HPD: variants seen among roughly 807,000 people sequenced by gnomAD.
HPD encodes 4-hydroxyphenylpyruvic acid oxidase.
In HPD, 35 loss-of-function variants were observed where a neutral mutation model predicts 56.9. The observed-to-expected ratio is 0.62, with a 90% CI of 0.47 to 0.82. HPD has a LOEUF of 0.82. HPD is among the 40% of genes least tolerant of loss of function. The pLI is 0.00. For synonymous variants in HPD, 186 were observed against 200.2 expected (o/e 0.93, Z 0.60); for missense variants, 442 against 506.8 (o/e 0.87, Z 1.23).
the HPD span, among the ~76,000 whole-genome samples, chr12:121,878,300 G>A: frequency 6.6e-6 from 1 of 152,156 alleles, no homozygotes; most frequent in African/African-American, 2.4e-5. Flanking sequence ...GCTCTGAATT[G>A]TCACAAACAG....
rs771865657 is a variant in HPD at position 121,849,840 on chromosome 12, G to A, written c.415-50C>T. The A allele has an allele frequency of 2.4e-5, 29 of 1,224,622 alleles. 1 individual carries two copies. The South Asian group carries it at 2.8e-4, about 12-fold the overall frequency. The allele number at this position is 1,224,622 out of a possible 1,614,324, so 75.9% of individuals were successfully genotyped here. A position where few individuals can be genotyped will look rare whatever the true frequency, so the allele number is the denominator to read the frequency against. On this transcript the variant is annotated intron_variant, in intron 7 of 13. Transcript: ENST00000289004. ...CGGCCCCTGGGCACCCATCCCCGCC[G>A]AGGACAGAGCACATTTCATAGCGCT...
chr12:121,887,409 G>A, the HPD span, among the ~76,000 whole-genome samples: 1 of 151,604 alleles, frequency 6.6e-6, no homozygotes, highest in African/African-American at 2.4e-5. Context: ...TGAGGGGTGC[G>A]GTAGCTCACT....
the HPD span, among the ~76,000 whole-genome samples, chr12:121,878,885 G>A: frequency 2.6e-5 from 4 of 151,496 alleles, no homozygotes; most frequent in South Asian, 2.1e-4. Flanking sequence ...ATGTTGTCTC[G>A]GCTGGTCTCA....
chr12:121,880,223 G>T, the HPD span, among the ~76,000 whole-genome samples: 1 of 147,858 alleles, frequency 6.8e-6, no homozygotes, highest in South Asian at 2.1e-4. Flanking sequence ...TTTTTTTTCA[G>T]ATGGTGTCTT....
At chr12:121,870,975 A>T in the HPD span, among the ~76,000 whole-genome samples, 1 of 152,056 alleles carries the variant, frequency 6.6e-6, no homozygotes. Flanking sequence ...CAGGGAAGAG[A>T]GCTGGGCTGG....
chr12:121,846,377 C>T (rs1877582959), intron 11 of HPD, among the ~76,000 whole-genome samples: 1 of 152,092 alleles, frequency 6.6e-6, no homozygotes, highest in African/African-American at 2.4e-5. Context: ...CAACCACGCC[C>T]AGATAATTTT....
chr12:121,857,270 G>A lies in HPD; in HGVS notation c.198+58C>T, dbSNP rs1878035354. 6 of 1,083,186 alleles carry A rather than the reference G, an allele frequency of 5.5e-6. No individual in the cohort carries two copies. In the South Asian group the frequency reaches 6.2e-5, roughly 11 times the overall value. 67.1% of individuals were successfully genotyped at this position (1,083,186 alleles called of 1,614,324 possible). On this transcript the variant is annotated intron_variant, in intron 4 of 13. Transcript: ENST00000289004. ...AATTTTTCTATTTTTAATAGAGATG[G>A]GGTTTCACCATGTTGGCCAGGCAGG...
At chr12:121,851,778 C>T (rs541989316) in intron 7 of HPD, among the ~76,000 whole-genome samples, 1 of 3,320 alleles carries the variant, frequency 3.0e-4, no homozygotes, top group South Asian at 8.5e-3. Flanking sequence ...GGCGCGATCT[C>T]GGCTCACTGC....
At chr12:121,886,038 A>G in the HPD span, among the ~76,000 whole-genome samples, 1 of 151,466 alleles carries the variant, frequency 6.6e-6, no homozygotes, top group Non-Finnish European at 1.5e-5. Flanking sequence ...CAGGTGATCC[A>G]GCCGCCTCGG....
chr12:121,846,598 G>T (rs1877591503), intron 11 of HPD, among the ~76,000 whole-genome samples: 1 of 152,180 alleles, frequency 6.6e-6, no homozygotes, highest in South Asian at 2.1e-4. Context: ...CAAGCCACTG[G>T]CAGAACCGGG....
chr12:121,873,034 C>A, the HPD span, among the ~76,000 whole-genome samples: 2 of 152,126 alleles, frequency 1.3e-5, no homozygotes, highest in Admixed American at 1.3e-4. Context: ...CATCTGTGAG[C>A]ATGTATTCAC....
chr12:121,845,042 C>T (rs1449042482), intron 11 of HPD, among the ~76,000 whole-genome samples: 1 of 149,080 alleles, frequency 6.7e-6, no homozygotes, highest in African/African-American at 2.6e-5. Flanking sequence ...CAAAATCGCA[C>T]CACTGCACTC....
chr12:121,881,632 CTTTGTTTT>C, the HPD span, among the ~76,000 whole-genome samples: 8 of 151,620 alleles, frequency 5.3e-5, no homozygotes, highest in African/African-American at 1.9e-4. Context: ...GCTCCCATGA[CTTTGTTTT>C]TTTGTTTGTT....
intron 2 of HPD, 96 bp from the exon 3 acceptor site, chr12:121,857,915 G>A (rs917402982): frequency 4.4e-6 from 4 of 909,992 alleles, no homozygotes; most frequent in Non-Finnish European, 7.2e-6. Context: ...CCTTATTCCA[G>A]CCTCAACCAC....
intron 9 of HPD, among the ~76,000 whole-genome samples, chr12:121,848,055 G>A (rs1207752737): frequency 6.6e-6 from 1 of 152,168 alleles, no homozygotes; most frequent in African/African-American, 2.4e-5. Context: ...ACAGATGGAA[G>A]TAAAGTGCTT....
intron 11 of HPD, 96 bp downstream of exon 11, chr12:121,846,766 G>T (rs564460302): frequency 4.6e-5 from 52 of 1,135,412 alleles, no homozygotes; most frequent in Non-Finnish European, 6.3e-5. Flanking sequence ...CCAGAGAAAC[G>T]GGCCCAGGAC....
the HPD span, among the ~76,000 whole-genome samples, chr12:121,876,502 G>A: frequency 1.3e-3 from 198 of 152,168 alleles, 5 homozygotes; most frequent in East Asian, 0.036. Flanking sequence ...ACATCAAAGG[G>A]CTTTTCCTTC....
chr12:121,862,212 G>T (rs1020435387), upstream of HPD, among the ~76,000 whole-genome samples: 2 of 152,136 alleles, frequency 1.3e-5, no homozygotes, highest in East Asian at 1.9e-4. Context: ...CTGCTGGACA[G>T]TGTGGGTCAC....
intron 3 of HPD, 34 bp from the exon 4 acceptor site, chr12:121,857,466 G>A (rs773262586): frequency 3.4e-6 from 5 of 1,488,888 alleles, no homozygotes; most frequent in Non-Finnish European, 4.7e-6. Context: ...GTTCATGAGG[G>A]TCAAGGGGCC....
Sources: allele counts gnomAD v4.1 joint callset (sites outside exome capture counted in the v4.1 genomes callset), GRCh38; gene constraint gnomAD v4.1.1; transcripts MANE v1.5; gene names NCBI Gene and HGNC (gene_info 2026-07-23, HGNC 2026-07-21).